CNOT1: variants seen among roughly 807,000 people sequenced by gnomAD.
The protein encoded by CNOT1 is CCR4-associated factor 1.
CNOT1 carries 15 observed loss-of-function variants against 273.8 expected under a neutral mutation model. That is an observed-to-expected ratio of 0.05 (90% confidence interval 0.04 to 0.08). The LOEUF (loss-of-function observed/expected upper bound fraction) is 0.08. Among genes scored for constraint, CNOT1 ranks in the 10% least tolerant of loss-of-function variants. CNOT1 has a pLI of 1.00. For synonymous variants in CNOT1, 1,022 were observed against 1,005.5 expected, an observed-to-expected ratio of 1.02 and a Z score of -0.31; for missense variants, 1,644 against 2,912.2, an observed-to-expected ratio of 0.56 and a Z score of 10.02.
intron 1 of CNOT1, among the ~76,000 whole-genome samples, chr16:58,618,912 G>A (rs1238101449): frequency 6.6e-6 from 1 of 152,096 alleles, no homozygotes; most frequent in African/African-American, 2.4e-5. Context: ...TCTAATCCAC[G>A]CCAGGCATGG....
At position 58,586,649 on chromosome 16, in the gene CNOT1, A is replaced by T; in HGVS notation, c.533T>A (p.Ile178Lys). 2 of 1,613,096 alleles carry T rather than the reference A, an allele frequency of 1.2e-6. No individual in the cohort carries two copies. The highest frequency in any genetic ancestry group is 1.7e-6 in the Non-Finnish European group (2 of 1,179,838). Reference sequence around the variant, plus strand: ...GGAGAGGAGGAGGTGTAGGACCTCTATTGCTATATCTTGGAAGCCACCTTC... The same window carrying T: ...GGAGAGGAGGAGGTGTAGGACCTCTTTTGCTATATCTTGGAAGCCACCTTC... ...NQEGGFQDIA[I>K]EVLHLLLSHL... is the part of the protein sequence containing the mutation. The change falls in exon 7 of 49, where the codon ATA (isoleucine) becomes AAA (lysine). Residue 178 changes from isoleucine (I) to lysine (K), a missense_variant. Ile to Lys is a moderately radical substitution (Grantham distance 102, BLOSUM62 -3). This residue lies in a region of CNOT1 where 706 missense variants were observed against 1,021.2 expected (regional missense o/e 0.69). Coordinates refer to ENST00000317147, the MANE Select transcript of CNOT1 (RefSeq NM_016284.5).
intron 2 of CNOT1, among the ~76,000 whole-genome samples, chr16:58,594,516 A>G (rs1156808665): frequency 1.3e-5 from 2 of 152,104 alleles, no homozygotes; most frequent in Admixed American, 1.3e-4. Context: ...TAAAAGGGTG[A>G]AATCTGGCCA....
chr16:58,607,739 G>A (rs55864374), intron 1 of CNOT1, among the ~76,000 whole-genome samples: 48,668 of 92,334 alleles, frequency 0.53, 12,035 homozygotes, highest in Non-Finnish European at 0.57. Context: ...AAAAAAAAAA[G>A]AAAGAAAGAA....
intron 2 of CNOT1, among the ~76,000 whole-genome samples, chr16:58,598,480 A>G (rs1418267776): frequency 6.6e-6 from 1 of 151,326 alleles, no homozygotes; most frequent in Non-Finnish European, 1.5e-5. Context: ...GAGGCACGAG[A>G]ATCACTTGAA....
Position 58,578,813 on chromosome 16 carries a change from T to C in CNOT1, c.1470A>G (p.Gln490=), listed in dbSNP as rs973670206. Residue 490 remains glutamine, a synonymous_variant, in exon 13 of 49, where the codon CAA becomes CAG. Transcript: ENST00000317147. Reference sequence around the variant, plus strand: ...GCAAGGTATGCCAAGAGGTGTTAATTTGTAGTAAGGCCAATACCAGCATGT... The same window carrying C: ...GCAAGGTATGCCAAGAGGTGTTAATCTGTAGTAAGGCCAATACCAGCATGT... ...CPDMLVLALL[Q]INTSWHTLRH... 6.8e-6 allele frequency: 11 copies of C among 1,613,962 alleles called. No individual in the cohort carries two copies. Among genetic ancestry groups the C allele is most frequent in the Admixed American group, 3.3e-5 (2 of 59,976 alleles).
At position 58,560,424 on chromosome 16, in the gene CNOT1, C is replaced by G. The variant is rs572243153; in HGVS notation, c.1980-62G>C. 5.8e-5 allele frequency: 88 copies of G among 1,527,934 alleles called. No homozygotes were observed. The South Asian group carries it at 6.3e-4, about 11-fold the overall frequency. 94.6% of individuals were successfully genotyped at this position (1,527,934 alleles called of 1,614,324 possible). A position where few individuals can be genotyped will look rare whatever the true frequency, so the allele number is the denominator to read the frequency against. On this transcript the variant is annotated intron_variant, in intron 16 of 48. Coordinates refer to ENST00000317147, the MANE Select transcript of CNOT1 (RefSeq NM_016284.5). ...CTATTCTCTAGCACATGTAAGTAAA[C>G]CAACCGATCTGATTTTTTTTTTTTT...
intron 12 of CNOT1, 134 bp from the exon 13 acceptor site, chr16:58,579,073 C>A: frequency 7.0e-7 from 1 of 1,437,108 alleles, no homozygotes; most frequent in South Asian, 1.5e-5. Flanking sequence ...GTTTGAAGTC[C>A]ACAGCACTCT....
chr16:58,579,488 C>T (rs889051268), intron 12 of CNOT1, among the ~76,000 whole-genome samples: 1 of 152,040 alleles, frequency 6.6e-6, no homozygotes, highest in African/African-American at 2.4e-5. Context: ...AGCCCTTTAT[C>T]TGTTCAAATA....
intron 29 of CNOT1, 121 bp from the exon 30 acceptor site, chr16:58,545,612 A>ACCC: frequency 6.7e-7 from 1 of 1,484,386 alleles, no homozygotes; most frequent in Non-Finnish European, 9.0e-7. Flanking sequence ...GAGAGGAGGG[A>ACCC]AGGATGTAGC....
At chr16:58,560,004 T>C in intron 17 of CNOT1, 1 of 1,366,546 alleles carries the variant, frequency 7.3e-7, no homozygotes, top group Non-Finnish European at 1.0e-6. Flanking sequence ...ATTGTCTGTA[T>C]ATTTCCTCTT....
Position 58,587,189 on chromosome 16 carries a change from A to G in CNOT1, c.433+12T>C, listed in dbSNP as rs1397191304. On this transcript the variant is annotated intron_variant, in intron 6 of 48. Transcript: ENST00000317147. ...GTCTCACTTCGTGATATTTTTGGAA[A>G]AAGTAACTCACCGAAACCTCTAAGA... 6.2e-7 allele frequency: 1 copy of G among 1,608,710 alleles called. No homozygotes were observed. The highest frequency in any genetic ancestry group is 8.5e-7 in the Non-Finnish European group (1 of 1,178,732).
At chr16:58,534,120 A>C in intron 40 of CNOT1, 27 bp downstream of exon 40, 1 of 1,609,340 alleles carries the variant, frequency 6.2e-7, no homozygotes, top group Non-Finnish European at 8.5e-7. Flanking sequence ...ATGTAGACCA[A>C]GACTAAGGCA....
intron 1 of CNOT1, among the ~76,000 whole-genome samples, chr16:58,609,494 G>C (rs960883819): frequency 1.3e-5 from 2 of 152,054 alleles, no homozygotes; most frequent in African/African-American, 2.4e-5. Flanking sequence ...AGACAGTTTC[G>C]AGCTTGTCGC....
Position 58,525,378 on chromosome 16 carries a change from GA to G in CNOT1, c.6604-20del, listed in dbSNP as rs774860304. On this transcript the variant is annotated intron_variant, in intron 45 of 48. Coordinates refer to ENST00000317147, the MANE Select transcript of CNOT1 (RefSeq NM_016284.5). ...TGGATACCTTAAAATGAGCAAAACA[GA>G]ACTCCTTATGCTTACTCCTGCAGAG... The G allele has an allele frequency of 6.2e-7, 1 of 1,609,224 alleles. No individual in the cohort carries two copies. Among genetic ancestry groups the G allele is most frequent in the South Asian group, 1.1e-5 (1 of 90,726 alleles).
intron 46 of CNOT1, among the ~76,000 whole-genome samples, chr16:58,524,474 G>GGACGTGATGGTATTC (rs1156581082): frequency 1.3e-5 from 2 of 151,824 alleles, no homozygotes; most frequent in Non-Finnish European, 2.9e-5. Flanking sequence ...CCGAGCTCTT[G>GGACGTGATGGTATTC]GACGTGATGG....
intron 30 of CNOT1, 51 bp from the exon 31 acceptor site, chr16:58,543,954 C>T (rs769870484): frequency 6.6e-7 from 1 of 1,517,582 alleles, no homozygotes; most frequent in South Asian, 1.3e-5. Context: ...TAAGACAATC[C>T]AATTCCTACT....
intron 19 of CNOT1, 149 bp from the exon 20 acceptor site, chr16:58,556,057 T>G (rs1423804504): frequency 1.4e-6 from 2 of 1,394,642 alleles, no homozygotes; most frequent in Admixed American, 5.6e-5. Flanking sequence ...GTTTCAGTAT[T>G]AATGTGTGCT....
intron 22 of CNOT1, 143 bp from the exon 23 acceptor site, chr16:58,551,962 C>T (rs368863777): frequency 9.7e-7 from 1 of 1,025,876 alleles, no homozygotes; most frequent in South Asian, 1.7e-5. Context: ...CATACCCTGG[C>T]ACTAATACAT....
chr16:58,593,232 T>C (rs1437065978), intron 2 of CNOT1, among the ~76,000 whole-genome samples: 3 of 152,082 alleles, frequency 2.0e-5, no homozygotes, highest in Admixed American at 1.3e-4. Context: ...GAGACCAGCC[T>C]GGCCAACATA....
Sources: allele counts gnomAD v4.1 joint callset (sites outside exome capture counted in the v4.1 genomes callset), GRCh38; gene constraint gnomAD v4.1.1; regional missense constraint gnomAD v4.1.1; transcripts MANE v1.5; gene names NCBI Gene and HGNC (gene_info 2026-07-23, HGNC 2026-07-21).